The following C8orf74 variants were observed in gnomAD, a reference collection of about 807,000 sequenced individuals.
C8orf74 encodes uncharacterized protein C8orf74.
A neutral mutation model predicts 22.2 loss-of-function variants in C8orf74; 29 were observed. The observed-to-expected ratio is 1.31, with a 90% CI of 0.97 to 1.78. The LOEUF (loss-of-function observed/expected upper bound fraction) is 1.78. Ranked by LOEUF, C8orf74 falls within the 40% of genes most tolerant of loss-of-function variation. The pLI is 0.00. For synonymous variants in C8orf74, 255 were observed against 163.1 expected, an observed-to-expected ratio of 1.56 and a Z score of -4.30; for missense variants, 515 against 369.9, an observed-to-expected ratio of 1.39 and a Z score of -3.22.
At chr8:10,690,777 G>A in intron 2 of C8orf74, 1 of 439,648 alleles carries the variant, frequency 2.3e-6, no homozygotes, top group South Asian at 1.6e-5. Context: ...CCTGATCGTG[G>A]AGCTTCCCGT....
chr8:10,675,295 C>A (rs1210145627), intron 2 of C8orf74, among the ~76,000 whole-genome samples: 1 of 152,222 alleles, frequency 6.6e-6, no homozygotes, highest in African/African-American at 2.4e-5. Flanking sequence ...TGCATGGAAG[C>A]AGCATTGCCC....
intron 2 of C8orf74, among the ~76,000 whole-genome samples, chr8:10,693,174 C>T (rs541205314): frequency 6.6e-6 from 1 of 152,304 alleles, no homozygotes; most frequent in African/African-American, 2.4e-5. Context: ...CTGCCTTCCT[C>T]CCCGACCTTT....
At chr8:10,682,721 C>T (rs1363025551) in intron 2 of C8orf74, among the ~76,000 whole-genome samples, 1 of 152,164 alleles carries the variant, frequency 6.6e-6, no homozygotes, top group Non-Finnish European at 1.5e-5. Context: ...GCAGTACAGC[C>T]TGTAACACTG....
At chr8:10,689,211 G>C (rs1464936445) in intron 2 of C8orf74, 2 of 152,230 alleles carry the variant, frequency 1.3e-5, no homozygotes, top group Admixed American at 1.3e-4. Flanking sequence ...CCTCACACCT[G>C]GGCTGAAGCT....
intron 2 of C8orf74, among the ~76,000 whole-genome samples, chr8:10,677,253 C>A (rs540535273): frequency 1.4e-4 from 22 of 152,152 alleles, no homozygotes; most frequent in Non-Finnish European, 2.9e-5. Context: ...AGCTGCCTTC[C>A]GCCCCTCTCC....
intron 3 of C8orf74, 35 bp from the exon 4 acceptor site, chr8:10,700,200 C>T (rs1268190822): frequency 6.9e-7 from 1 of 1,445,094 alleles, no homozygotes; most frequent in African/African-American, 1.4e-5. Context: ...CGAGGCTCCC[C>T]AGCCCTGCTC....
intron 3 of C8orf74, among the ~76,000 whole-genome samples, chr8:10,699,596 C>T (rs6997200): frequency 0.021 from 3,247 of 152,318 alleles, 114 homozygotes; most frequent in African/African-American, 0.074. Context: ...TGGGCTATAA[C>T]TCTGATGGAG....
chr8:10,686,652 G>A (rs1799267967), intron 2 of C8orf74: 1 of 157,962 alleles, frequency 6.3e-6, no homozygotes, highest in Non-Finnish European at 1.4e-5. Context: ...GTACTTGGAT[G>A]GGAGACCGCC....
At chr8:10,688,030 G>T (rs546576394) in intron 2 of C8orf74, among the ~76,000 whole-genome samples, 453 of 152,142 alleles carry the variant, frequency 3.0e-3, no homozygotes, top group African/African-American at 9.8e-3. Context: ...ATAAGGTGAA[G>T]TCTGTGTCTA....
At position 10,697,681 on chromosome 8, in the gene C8orf74, G is replaced by A. The variant is rs146081802; in HGVS notation, c.324G>A (p.Leu108=). Reference sequence around the variant, plus strand: ...GCCATTTCAACACCACCCACCTGCTGGCCCTCTGTGACTACTTCCACCACA... The same window carrying A: ...GCCATTTCAACACCACCCACCTGCTAGCCCTCTGTGACTACTTCCACCACA... ...YRGHFNTTHL[L]ALCDYFHHTF... The change falls in exon 3 of 4, where the codon CTG becomes CTA. Residue 108 remains leucine (L), a synonymous_variant. Transcript: ENST00000304519. 5.5e-4 allele frequency: 885 copies of A among 1,613,950 alleles called. 1 individual carries two copies. In the African/African-American group the frequency reaches 0.01, roughly 18 times the overall value.
At chr8:10,675,644 C>T (rs1799017199) in intron 2 of C8orf74, 1 of 152,200 alleles carries the variant, frequency 6.6e-6, no homozygotes, top group African/African-American at 2.4e-5. Context: ...TCCAAGTGGA[C>T]ATTGTCAGTA....
At chr8:10,680,065 T>A (rs1289111417) in intron 2 of C8orf74, 1 of 152,358 alleles carries the variant, frequency 6.6e-6, no homozygotes, top group South Asian at 2.1e-4. Flanking sequence ...AACCAGTGAA[T>A]GAATAAACTA....
chr8:10,675,193 C>T (rs192927917), intron 2 of C8orf74, among the ~76,000 whole-genome samples: 1 of 152,222 alleles, frequency 6.6e-6, no homozygotes, highest in African/African-American at 2.4e-5. Flanking sequence ...AAGGGCTGCA[C>T]GTTGTTCCTG....
chr8:10,673,613 C>G (rs955945961), intron 1 of C8orf74: 1 of 153,862 alleles, frequency 6.5e-6, no homozygotes, highest in African/African-American at 2.4e-5. Flanking sequence ...ATTTCAGAAC[C>G]TGAGGCCTGC....
chr8:10,685,016 G>C (rs986642129), intron 2 of C8orf74, among the ~76,000 whole-genome samples: 1 of 152,206 alleles, frequency 6.6e-6, no homozygotes, highest in African/African-American at 2.4e-5. Context: ...CCCCACAGGG[G>C]GCGGAGCAAG....
At chr8:10,682,833 G>A (rs991257640) in intron 2 of C8orf74, among the ~76,000 whole-genome samples, 21 of 152,336 alleles carry the variant, frequency 1.4e-4, no homozygotes, top group African/African-American at 3.1e-4. Context: ...GAGACTATCC[G>A]TCCCACAGAG....
chr8:10,680,437 AG>A (rs1799125209), intron 2 of C8orf74, among the ~76,000 whole-genome samples: 1 of 152,234 alleles, frequency 6.6e-6, no homozygotes, highest in South Asian at 2.1e-4. Context: ...ATATGGCTGG[AG>A]GGGACACAGG....
chr8:10,680,161 G>A (rs552064482), intron 2 of C8orf74, among the ~76,000 whole-genome samples: 4 of 152,314 alleles, frequency 2.6e-5, no homozygotes, highest in South Asian at 4.1e-4. Context: ...CCCCAGTGAC[G>A]CTCCTTCCAC....
intron 3 of C8orf74, 101 bp from the exon 4 acceptor site, chr8:10,700,134 G>T: frequency 1.3e-6 from 1 of 747,830 alleles, no homozygotes; most frequent in South Asian, 2.0e-5. Context: ...GAGACGGATG[G>T]ACAGTGGACA....
Sources: allele counts gnomAD v4.1 joint callset (sites outside exome capture counted in the v4.1 genomes callset), GRCh38; gene constraint gnomAD v4.1.1; transcripts MANE v1.5; gene names NCBI Gene and HGNC (gene_info 2026-07-23, HGNC 2026-07-21).